Variants in EZR observed in about 807,000 individuals in gnomAD.
EZR encodes ezrin, also known as cytovillin 2.
Under a neutral mutation model 74.8 loss-of-function variants are expected in EZR, and 40 were observed. The observed-to-expected ratio is 0.53, with a 90% CI of 0.42 to 0.70. EZR has a LOEUF of 0.70. EZR is among the 30% of genes least tolerant of loss of function. The pLI is 0.00. For missense variants in EZR, 678 were observed against 755.8 expected (o/e 0.90, Z 1.21); for synonymous variants, 341 against 283.3 (o/e 1.20, Z -2.05).
rs58552998 is a variant in EZR at position 158,804,766 on chromosome 6, AT to A, written c.12+13315del. ...AGAGTTTTTCCTTTCTTTTTTTCTT[AT>A]TTTTTTTTATTATACTTTAAGTTTT... On this transcript the variant is annotated intron_variant, in intron 2 of 13. Coordinates refer to ENST00000367075, the MANE Select transcript of EZR (RefSeq NM_001111077.2). Among the ~76,000 whole-genome samples the A allele has an allele frequency of 1.7e-3, 233 of 139,418 alleles. 3 individuals are homozygous for A. The highest frequency in any genetic ancestry group is 7.1e-3 in the Middle Eastern group (2 of 280). 91.5% of individuals were successfully genotyped at this position (139,418 alleles called of 152,430 possible). A position where few individuals can be genotyped will look rare whatever the true frequency, so the allele number is the denominator to read the frequency against.
intron 8 of EZR, among the ~76,000 whole-genome samples, chr6:158,774,672 A>AAC (rs56400693): frequency 0.05 from 7,070 of 142,346 alleles, 183 homozygotes; most frequent in South Asian, 0.078. Context: ...CTTATCATCA[A>AAC]ACACACACAC....
intron 1 of EZR, among the ~76,000 whole-genome samples, chr6:158,818,711 G>A (rs1777622347): frequency 6.6e-6 from 1 of 150,566 alleles, no homozygotes; most frequent in Non-Finnish European, 1.5e-5. Context: ...GAAAGGCCCG[G>A]GGAGAGGGAG....
chr6:158,801,270 A>G (rs896348397), intron 2 of EZR, among the ~76,000 whole-genome samples: 13 of 152,154 alleles, frequency 8.5e-5, no homozygotes, highest in Non-Finnish European at 1.3e-4. Context: ...GTGCATCACC[A>G]TGCCCAGCTA....
intron 2 of EZR, among the ~76,000 whole-genome samples, chr6:158,803,143 G>T (rs1367854384): frequency 6.6e-6 from 1 of 152,026 alleles, no homozygotes; most frequent in Admixed American, 6.5e-5. Flanking sequence ...TGCAGCAGAC[G>T]TTAACAGGGC....
intron 11 of EZR, 45 bp downstream of exon 11, chr6:158,769,736 AAGC>A: frequency 6.2e-7 from 1 of 1,603,876 alleles, no homozygotes; most frequent in Non-Finnish European, 8.5e-7. Flanking sequence ...CCATCCTCAG[AAGC>A]AGCCTCTCTA....
chr6:158,771,589 G>A (rs1037665382), intron 8 of EZR, among the ~76,000 whole-genome samples, 182 bp from the exon 9 acceptor site: 1 of 152,184 alleles, frequency 6.6e-6, no homozygotes, highest in Non-Finnish European at 1.5e-5. Context: ...CACGTGCCGC[G>A]TGTGTGTGCG....
intron 2 of EZR, among the ~76,000 whole-genome samples, chr6:158,807,069 T>C (rs1056196175): frequency 2.0e-5 from 3 of 152,098 alleles, no homozygotes; most frequent in African/African-American, 7.2e-5. Flanking sequence ...TCCCAGCACT[T>C]TGGGAGGCTG....
chr6:158,800,845 C>T lies in EZR; in HGVS notation c.13-11474G>A, dbSNP rs1374533011. Among the ~76,000 whole-genome samples, 3 of 152,214 alleles carry T rather than the reference C, an allele frequency of 2.0e-5. No individual in the cohort carries two copies. The East Asian group carries it at 5.8e-4, about 29-fold the overall frequency. On this transcript the variant is annotated intron_variant, in intron 2 of 13. Coordinates refer to ENST00000367075, the MANE Select transcript of EZR (RefSeq NM_001111077.2). ...CTAATAAAATAATCCTGAGGCATAT[C>T]TGCAAATGCAATGGATGAAGATGTA...
At chr6:158,819,251 CG>C (rs1279980152) in intron 1 of EZR, 65 bp downstream of exon 1, 1 of 153,818 alleles carries the variant, frequency 6.5e-6, no homozygotes, top group African/African-American at 2.4e-5. Flanking sequence ...GCCGCCCGCC[CG>C]GGCCCTCCAC....
At chr6:158,793,242 TA>T (rs960338137) in intron 2 of EZR, among the ~76,000 whole-genome samples, 2 of 151,408 alleles carry the variant, frequency 1.3e-5, no homozygotes, top group Non-Finnish European at 2.9e-5. Flanking sequence ...GATCCTCTTT[TA>T]AAAAAATAAA....
chr6:158,787,093 T>C lies in EZR; in HGVS notation c.192+15A>G, dbSNP rs751434508. The C allele has an allele frequency of 5.6e-6, 9 of 1,607,812 alleles. No homozygotes were observed. Among genetic ancestry groups the C allele is most frequent in the Non-Finnish European group, 6.8e-6 (8 of 1,174,450 alleles). On this transcript the variant is annotated intron_variant, in intron 4 of 13. Transcript: ENST00000367075. The stretch of plus-strand genomic sequence containing the variant: ...CACCCAATCCACAGCCTGTAAATAG[T>C]TAATCCTGACTTGCCTTCTTATCCA...
intron 9 of EZR, 123 bp downstream of exon 9, chr6:158,771,121 G>T: frequency 7.1e-7 from 1 of 1,415,966 alleles, no homozygotes; most frequent in Non-Finnish European, 9.5e-7. Flanking sequence ...ATCCCAGCGT[G>T]GTGACTGGGT....
chr6:158,771,980 A>G (rs1413522103), intron 8 of EZR, among the ~76,000 whole-genome samples: 1 of 152,114 alleles, frequency 6.6e-6, no homozygotes, highest in African/African-American at 2.4e-5. Flanking sequence ...CATCACTGCC[A>G]GCCTGGGAGC....
rs965087522 is a variant in EZR, at chr6:158,784,628, A to G, written c.551+16T>C. The G allele has an allele frequency of 3.7e-6, 6 of 1,611,026 alleles. No individual in the cohort carries two copies. The highest frequency in any genetic ancestry group is 5.1e-6 in the Non-Finnish European group (6 of 1,177,172). ...ACGGAGATGGCAAGATCCCAACAGC[A>G]GGGCACAGCACTCACTTGAGCATCC... is the stretch of plus-strand genomic sequence containing the variant. On this transcript the variant is annotated intron_variant, in intron 6 of 13. Transcript: ENST00000367075.
chr6:158,772,287 GCA>G (rs1225268524), intron 8 of EZR, among the ~76,000 whole-genome samples: 2 of 152,248 alleles, frequency 1.3e-5, no homozygotes, highest in African/African-American at 4.8e-5. Context: ...AGCTCGTGCA[GCA>G]CAGACAGCCA....
At chr6:158,818,483 G>A (rs1777614764) in intron 1 of EZR, among the ~76,000 whole-genome samples, 1 of 151,258 alleles carries the variant, frequency 6.6e-6, no homozygotes, top group African/African-American at 2.4e-5. Context: ...CCAGCATGAA[G>A]GGGCTGGTGG....
chr6:158,771,703 T>C, intron 8 of EZR, among the ~76,000 whole-genome samples: 1 of 152,194 alleles, frequency 6.6e-6, no homozygotes, highest in Admixed American at 6.5e-5. Flanking sequence ...AGGGACATCC[T>C]GCATGCACAC....
chr6:158,766,094 C>T lies in EZR; in HGVS notation c.*820G>A, dbSNP rs1790778535. ...GCAGGTCCAGCTCCACCACTGCCCT[C>T]CTGCCACATCACATCAAGTGCCATG... On this transcript the variant is annotated 3_prime_UTR_variant, in exon 14 of 14. Coordinates refer to ENST00000367075, the MANE Select transcript of EZR (RefSeq NM_001111077.2). 1 of 152,628 alleles carries T rather than the reference C, an allele frequency of 6.6e-6. No individual in the cohort carries two copies. The highest frequency in any genetic ancestry group is 6.5e-5 in the Admixed American group (1 of 15,278). 9.5% of individuals were successfully genotyped at this position (152,628 alleles called of 1,614,324 possible). A position where few individuals can be genotyped will look rare whatever the true frequency, so the allele number is the denominator to read the frequency against.
rs549608592 is a variant in EZR at position 158,767,502 on chromosome 6, G to A, written c.1355C>T (p.Ala452Val). 2.5e-6 allele frequency: 4 copies of A among 1,588,080 alleles called. No individual in the cohort carries two copies. Among genetic ancestry groups the A allele is most frequent in the Non-Finnish European group, 3.4e-6 (4 of 1,165,664 alleles). ...VEEWQHRAKE[A>V]QDDLVKTKEE... The stretch of plus-strand genomic sequence containing the variant: ...CTTGGTCTTCACCAGGTCATCCTGG[G>A]CTTCTTTGGCCTTTGGAAAGCAAAT... The change falls in exon 13 of 14, where the codon GCC becomes GTC. Residue 452 changes from alanine (A) to valine (V), a missense_variant. Coordinates refer to ENST00000367075, the MANE Select transcript of EZR (RefSeq NM_001111077.2).
Sources: allele counts gnomAD v4.1 joint callset (sites outside exome capture counted in the v4.1 genomes callset), GRCh38; gene constraint gnomAD v4.1.1; transcripts MANE v1.5; gene names NCBI Gene and HGNC (gene_info 2026-07-23, HGNC 2026-07-21).